The following BCAS3 variants were observed in gnomAD, a reference collection of about 807,000 sequenced individuals.
The protein encoded by BCAS3 is BCAS4/BCAS3 fusion.
BCAS3 carries 53 observed loss-of-function variants against 116.1 expected under a neutral mutation model. That is an observed-to-expected ratio of 0.46 (90% CI 0.37 to 0.57). The LOEUF (loss-of-function observed/expected upper bound fraction) is 0.57. Ranked by LOEUF, BCAS3 falls within the 20% of genes least tolerant of loss-of-function variation. The pLI is 0.00. For missense variants in BCAS3, 917 were observed against 1,165.4 expected, an observed-to-expected ratio of 0.79 and a Z score of 3.10; for synonymous variants, 391 against 408.2, an observed-to-expected ratio of 0.96 and a Z score of 0.51.
rs1045339396 is a variant in BCAS3 at position 61,021,079 on chromosome 17, G to A, written c.1637+5178G>A. 2.6e-5 allele frequency among the ~76,000 whole-genome samples: 4 copies of A among 151,972 alleles called. No homozygotes were observed. Among genetic ancestry groups the A allele is most frequent in the African/African-American group, 9.7e-5 (4 of 41,374 alleles). ...ATTTCTTCTCTTTTCTTTTGAGACA[G>A]AGTCTTGCTCTGTCACCCAGGCTGG... On this transcript the variant is annotated intron_variant, in intron 16 of 23. Transcript: ENST00000407086. This position sits in a 1 kb window ranked among gnomAD's most constrained non-coding sequence, Gnocchi z 4.6.
At chr17:60,900,984 G>A (rs1177138882) in intron 10 of BCAS3, among the ~76,000 whole-genome samples, 2 of 152,050 alleles carry the variant, frequency 1.3e-5, no homozygotes, top group Non-Finnish European at 2.9e-5. Context: ...TAAGACTGGT[G>A]CATCACTTGA....
intron 22 of BCAS3, among the ~76,000 whole-genome samples, chr17:61,117,496 G>A (rs1306277821): frequency 2.6e-5 from 4 of 152,108 alleles, no homozygotes; most frequent in Admixed American, 2.6e-4. Context: ...TAGGGAGGCC[G>A]AGGGAAGGAG....
intron 5 of BCAS3, among the ~76,000 whole-genome samples, chr17:60,732,450 G>A (rs1010785033): frequency 2.0e-5 from 3 of 152,150 alleles, no homozygotes; most frequent in African/African-American, 4.8e-5. Flanking sequence ...GAAGACTAGT[G>A]TGATAAAACC....
chr17:61,008,887 A>G lies in BCAS3; in HGVS notation c.1487-6864A>G, dbSNP rs1003360111. 6.6e-6 allele frequency among the ~76,000 whole-genome samples: 1 copy of G among 152,030 alleles called. No homozygotes were observed. Among genetic ancestry groups the G allele is most frequent in the African/African-American group, 2.4e-5 (1 of 41,416 alleles). ...GTAGAATTGTCTTCTGAGGAGTGCC[A>G]GAGAGTCACATTGACCTCGGGCTTC... On this transcript the variant is annotated intron_variant, in intron 15 of 23. Coordinates refer to ENST00000407086, the MANE Select transcript of BCAS3 (RefSeq NM_017679.5). The surrounding 1 kb of genome is among the most constrained non-coding windows in gnomAD (Gnocchi z 4.6).
chr17:61,174,382 A>G (rs935089507), intron 22 of BCAS3, among the ~76,000 whole-genome samples: 20 of 152,218 alleles, frequency 1.3e-4, no homozygotes, highest in African/African-American at 4.6e-4. Context: ...TTGATTGTTT[A>G]TCAAATCTGC....
intron 22 of BCAS3, among the ~76,000 whole-genome samples, chr17:61,293,737 A>G (rs532045148): frequency 2.6e-5 from 4 of 152,256 alleles, no homozygotes; most frequent in Admixed American, 2.6e-4. Flanking sequence ...AAGTTCCATT[A>G]TGTGCAGGAT....
intron 22 of BCAS3, among the ~76,000 whole-genome samples, chr17:61,182,695 G>A (rs1321691131): frequency 2.0e-5 from 3 of 152,130 alleles, no homozygotes; most frequent in Non-Finnish European, 4.4e-5. Context: ...CGCAGTCATT[G>A]ATCTAATTTC....
At chr17:61,036,707 G>A (rs1446645440) in intron 17 of BCAS3, among the ~76,000 whole-genome samples, 4 of 152,054 alleles carry the variant, frequency 2.6e-5, no homozygotes, top group African/African-American at 4.8e-5. Context: ...CTGTAAAACC[G>A]GAGAGAGAGG....
At chr17:60,958,936 G>T (rs2061278022) in intron 14 of BCAS3, among the ~76,000 whole-genome samples, 1 of 152,182 alleles carries the variant, frequency 6.6e-6, no homozygotes, top group African/African-American at 2.4e-5. Flanking sequence ...TTAGATCATA[G>T]ACTTAAATGT....
At chr17:60,799,417 C>T (rs1050508121) in intron 6 of BCAS3, among the ~76,000 whole-genome samples, 1 of 151,970 alleles carries the variant, frequency 6.6e-6, no homozygotes, top group Non-Finnish European at 1.5e-5. Context: ...TACCTCCCTG[C>T]AACATCCCCA....
At chr17:61,176,525 C>CTATTTATTTATT (rs139505219) in intron 22 of BCAS3, among the ~76,000 whole-genome samples, 22 of 145,582 alleles carry the variant, frequency 1.5e-4, no homozygotes, top group African/African-American at 4.3e-4. Context: ...TGTGTAATGT[C>CTATTTATTTATT]TATTTATTTA....
intron 7 of BCAS3, among the ~76,000 whole-genome samples, chr17:60,817,886 ACT>A (rs2049578760): frequency 6.7e-6 from 1 of 148,448 alleles, no homozygotes; most frequent in African/African-American, 2.5e-5. Flanking sequence ...GCAGAGTCTC[ACT>A]CTGTCACCCA....
In BCAS3 at chr17:61,333,579, A is replaced by G. The variant is rs2056466592; in HGVS notation, c.2426-34748A>G. On this transcript the variant is annotated intron_variant, in intron 22 of 23. Transcript: ENST00000407086. The surrounding 1 kb of genome is among the most constrained non-coding windows in gnomAD (Gnocchi z 4.8). The stretch of plus-strand genomic sequence containing the variant: ...CAACAGCCCCTTTCTTGCCCACTAA[A>G]CTAGCACTAGAGCTTTATCAAGTTC... Among the ~76,000 whole-genome samples the G allele has an allele frequency of 6.6e-6, 1 of 150,526 alleles. No homozygotes were observed. The highest frequency in any genetic ancestry group is 6.6e-5 in the Admixed American group (1 of 15,152).
chr17:61,302,877 C>G lies in BCAS3; in HGVS notation c.2426-65450C>G, dbSNP rs1310790542. Among the ~76,000 whole-genome samples, 1 of 152,172 alleles carries G rather than the reference C, an allele frequency of 6.6e-6. No homozygotes were observed. Among genetic ancestry groups the G allele is most frequent in the Non-Finnish European group, 1.5e-5 (1 of 68,036 alleles). On this transcript the variant is annotated intron_variant, in intron 22 of 23. Coordinates refer to ENST00000407086, the MANE Select transcript of BCAS3 (RefSeq NM_017679.5). The surrounding 1 kb of genome is among the most constrained non-coding windows in gnomAD (Gnocchi z 4.4). The stretch of plus-strand genomic sequence containing the variant: ...AGGGTCTAGATCACTTTCTAAATTC[C>G]TTTTCCACGAAATACGGGCTTTGAG...
Position 61,315,276 on chromosome 17 carries a change from G to A in BCAS3, c.2426-53051G>A, listed in dbSNP as rs1051705523. On this transcript the variant is annotated intron_variant, in intron 22 of 23. Coordinates refer to ENST00000407086, the MANE Select transcript of BCAS3 (RefSeq NM_017679.5). This position sits in a 1 kb window ranked among gnomAD's most constrained non-coding sequence, Gnocchi z 5.3. The stretch of plus-strand genomic sequence containing the variant: ...ATTATAGGCGCCCACCACCACACCC[G>A]GCTAATTTTTGTATTTTTAGTAGAG... Among the ~76,000 whole-genome samples the A allele has an allele frequency of 2.0e-5, 3 of 151,920 alleles. No individual in the cohort carries two copies. Among genetic ancestry groups the A allele is most frequent in the Non-Finnish European group, 4.4e-5 (3 of 67,970 alleles).
At chr17:61,176,472 C>G (rs1486408717) in intron 22 of BCAS3, among the ~76,000 whole-genome samples, 4 of 150,974 alleles carry the variant, frequency 2.6e-5, no homozygotes, top group African/African-American at 7.3e-5. Flanking sequence ...GAGGCCCTGT[C>G]CCCCCATTGT....
At chr17:61,058,862 T>C (rs1031898274) in intron 19 of BCAS3, among the ~76,000 whole-genome samples, 2 of 152,076 alleles carry the variant, frequency 1.3e-5, no homozygotes, top group Non-Finnish European at 2.9e-5. Context: ...AAAAATCTCT[T>C]ACATGTTTTA....
At chr17:60,771,273 A>G (rs146837123) in intron 6 of BCAS3, among the ~76,000 whole-genome samples, 151 of 152,204 alleles carry the variant, frequency 9.9e-4, no homozygotes, top group African/African-American at 2.4e-3. Context: ...AATAGCTTCA[A>G]TTATTTCAGT....
chr17:61,336,217 G>T (rs1356528474), intron 22 of BCAS3, among the ~76,000 whole-genome samples: 1 of 152,232 alleles, frequency 6.6e-6, no homozygotes, highest in Non-Finnish European at 1.5e-5. Context: ...TTTGTTATTT[G>T]GCTGTTTGCT....
Sources: gnomAD v4.1 joint callset for allele counts (sites outside exome capture counted in the v4.1 genomes callset) on GRCh38, gnomAD v4.1.1 for gene constraint, Gnocchi (gnomAD v3.1) non-coding constraint, MANE v1.5 for transcripts, NCBI Gene and HGNC (gene_info 2026-07-23, HGNC 2026-07-21) for gene names.